The following TEK variants were observed in gnomAD, a reference collection of about 807,000 sequenced individuals.
The protein encoded by TEK is TEK receptor tyrosine kinase, also known as angiopoietin-1 receptor.
In TEK, 43 loss-of-function variants were observed where a neutral mutation model predicts 131.8. The observed-to-expected ratio is 0.33, with a 90% confidence interval of 0.26 to 0.42. TEK has a LOEUF of 0.42. Ranked by LOEUF, TEK falls within the 10% of genes least tolerant of loss-of-function variation. TEK has a pLI of 1.00. For synonymous variants in TEK, 580 were observed against 491.6 expected (o/e 1.18, Z -2.38); for missense variants, 1,162 against 1,384.4 (o/e 0.84, Z 2.55).
chr9:27,158,216 C>G, intron 2 of TEK, 74 bp downstream of exon 2: 1 of 1,560,608 alleles, frequency 6.4e-7, no homozygotes, highest in Non-Finnish European at 8.8e-7. Context: ...GGCAGCTGCT[C>G]CCTCAGGGGC....
chr9:27,157,738 CA>C, intron 1 of TEK, 92 bp from the exon 2 acceptor site: 5 of 1,417,502 alleles, frequency 3.5e-6, no homozygotes, highest in Non-Finnish European at 5.0e-6. Context: ...AATCCTCACA[CA>C]ACTTTAAGAC....
At position 27,183,590 on chromosome 9, in the gene TEK, C is replaced by T; in HGVS notation, c.1162C>T (p.Pro388Ser). 6.2e-7 allele frequency: 1 copy of T among 1,613,848 alleles called. No homozygotes were observed. Among genetic ancestry groups the T allele is most frequent in the South Asian group, 1.1e-5 (1 of 91,080 alleles). ...TAATGAAGAAATGACCCTGGTGAAG[C>T]CGGATGGGACAGTGCTCCATGTAAG... ...PTNEEMTLVK[P>S]DGTVLHPKDF... Residue 388 changes from proline to serine, a missense_variant, in exon 8 of 23, where the codon CCG becomes TCG. Pro to Ser is a moderately conservative substitution (Grantham distance 74). Coordinates refer to ENST00000380036, the MANE Select transcript of TEK (RefSeq NM_000459.5).
intron 1 of TEK, among the ~76,000 whole-genome samples, chr9:27,137,921 T>TG (rs1406383401): frequency 6.6e-6 from 1 of 152,216 alleles, no homozygotes; most frequent in African/African-American, 2.4e-5. Context: ...TTCTTAAAGA[T>TG]GGTGTGTCCA....
intron 1 of TEK, among the ~76,000 whole-genome samples, chr9:27,143,976 T>G (rs1278348639): frequency 6.6e-6 from 1 of 151,704 alleles, no homozygotes; most frequent in Non-Finnish European, 1.5e-5. Flanking sequence ...AGACAGGGAG[T>G]ATAGCTCATG....
At chr9:27,123,778 T>G (rs1451537803) in intron 1 of TEK, among the ~76,000 whole-genome samples, 1 of 152,070 alleles carries the variant, frequency 6.6e-6, no homozygotes, top group Admixed American at 6.5e-5. Context: ...TTAAATTTCT[T>G]CATTTTATTT....
chr9:27,113,079 C>T (rs757067480), intron 1 of TEK, among the ~76,000 whole-genome samples: 1 of 152,152 alleles, frequency 6.6e-6, no homozygotes, highest in Non-Finnish European at 1.5e-5. Flanking sequence ...CACTGAAGAC[C>T]TGAGAAATTT....
At chr9:27,223,578 A>C (rs1213312650) in intron 21 of TEK, among the ~76,000 whole-genome samples, 2 of 152,242 alleles carry the variant, frequency 1.3e-5, no homozygotes, top group African/African-American at 4.8e-5. Context: ...GTGAGAACAA[A>C]GACACAACAT....
chr9:27,130,037 G>T (rs1331424652), intron 1 of TEK, among the ~76,000 whole-genome samples: 1 of 152,138 alleles, frequency 6.6e-6, no homozygotes, highest in Non-Finnish European at 1.5e-5. Flanking sequence ...AAAGATATTG[G>T]TTTTGAAATT....
chr9:27,203,590 A>G (rs1825297808), intron 13 of TEK, among the ~76,000 whole-genome samples: 1 of 152,108 alleles, frequency 6.6e-6, no homozygotes, highest in African/African-American at 2.4e-5. Flanking sequence ...CCCCAGGAAA[A>G]GTATGTGATT....
At chr9:27,211,693 C>T (rs1214187944) in intron 16 of TEK, among the ~76,000 whole-genome samples, 1 of 151,812 alleles carries the variant, frequency 6.6e-6, no homozygotes, top group Non-Finnish European at 1.5e-5. Context: ...TGGTCTCAAA[C>T]TCCTGGGCTC....
chr9:27,199,532 C>G (rs685421), intron 12 of TEK, among the ~76,000 whole-genome samples: 29,766 of 152,062 alleles, frequency 0.2, 3,336 homozygotes, highest in Non-Finnish European at 0.25. Flanking sequence ...TCGATAGTGT[C>G]ACACCTTTTT....
chr9:27,124,367 C>T (rs1821909565), intron 1 of TEK, among the ~76,000 whole-genome samples: 1 of 152,198 alleles, frequency 6.6e-6, no homozygotes, highest in Non-Finnish European at 1.5e-5. Context: ...ATGTGGGTTT[C>T]CTGGATGACT....
At chr9:27,144,569 C>A (rs1485785639) in intron 1 of TEK, among the ~76,000 whole-genome samples, 2 of 152,048 alleles carry the variant, frequency 1.3e-5, no homozygotes, top group African/African-American at 4.8e-5. Flanking sequence ...TTTCACCTGG[C>A]AAATGTTTAT....
At chr9:27,219,825 C>CTGT (rs1179782714) in intron 20 of TEK, among the ~76,000 whole-genome samples, 1 of 152,068 alleles carries the variant, frequency 6.6e-6, no homozygotes, top group Non-Finnish European at 1.5e-5. Context: ...CTAAGGAAGC[C>CTGT]TGTGGTGGTT....
At chr9:27,119,609 CGGGT>C (rs1297347799) in intron 1 of TEK, among the ~76,000 whole-genome samples, 5 of 15,024 alleles carry the variant, frequency 3.3e-4, no homozygotes, top group Non-Finnish European at 5.7e-4. Context: ...TGTGGAGAGT[CGGGT>C]GGAGAGTCGG....
chr9:27,211,811 C>T (rs1349283459), intron 16 of TEK, among the ~76,000 whole-genome samples: 2 of 150,678 alleles, frequency 1.3e-5, no homozygotes, highest in Non-Finnish European at 2.9e-5. Flanking sequence ...CATGGTTTGC[C>T]CAAAAAATTC....
intron 16 of TEK, 62 bp from the exon 17 acceptor site, chr9:27,212,645 C>G: frequency 6.3e-7 from 1 of 1,576,566 alleles, no homozygotes; most frequent in Non-Finnish European, 8.7e-7. Context: ...CACAGCACAT[C>G]TCTTAAATGT....
Position 27,114,228 on chromosome 9 carries a change from T to G in TEK, c.52+4586T>G, listed in dbSNP as rs1331611738. On this transcript the variant is annotated intron_variant, in intron 1 of 22. Transcript: ENST00000380036. Reference sequence around the variant, plus strand: ...AAATGTTGGTACTTCACAGCGGAGCTGAAAGGAAAAGAGAACATTGTAGAA... The same window carrying G: ...AAATGTTGGTACTTCACAGCGGAGCGGAAAGGAAAAGAGAACATTGTAGAA... 1.4e-4 allele frequency among the ~76,000 whole-genome samples: 21 copies of G among 152,336 alleles called. No homozygotes were observed. The South Asian group carries it at 4.4e-3, about 32-fold the overall frequency.
chr9:27,173,149 T>C (rs1390410192), intron 5 of TEK, 73 bp from the exon 6 acceptor site: 3 of 1,585,688 alleles, frequency 1.9e-6, no homozygotes, highest in Non-Finnish European at 1.7e-6. Flanking sequence ...CTAGGAGAAA[T>C]GAATCTAAAG....
Sources: gnomAD v4.1 joint callset for allele counts (sites outside exome capture counted in the v4.1 genomes callset) on GRCh38, gnomAD v4.1.1 for gene constraint, MANE v1.5 for transcripts, NCBI Gene and HGNC (gene_info 2026-07-23, HGNC 2026-07-21) for gene names.